MGAT5: variants seen among roughly 807,000 people sequenced by gnomAD.
MGAT5 encodes the protein alpha-1,6-mannosylglycoprotein 6-beta-N-acetylglucosaminyltransferase A.
MGAT5 carries 30 observed loss-of-function variants against 94.3 expected under a neutral mutation model. The observed-to-expected ratio is 0.32, with a 90% CI of 0.24 to 0.43. The LOEUF is 0.43. Among genes scored for constraint, MGAT5 ranks in the 20% least tolerant of loss-of-function variants. MGAT5 has a pLI of 1.00. For synonymous variants in MGAT5, 310 were observed against 322.9 expected (o/e 0.96, Z 0.43); for missense variants, 691 against 905.5 (o/e 0.76, Z 3.04).
At chr2:134,148,102 A>C (rs1274996303) in intron 1 of MGAT5, among the ~76,000 whole-genome samples, 1 of 152,152 alleles carries the variant, frequency 6.6e-6, no homozygotes, top group African/African-American at 2.4e-5. Context: ...AACTAAATCT[A>C]ATTTGTTTGC....
At chr2:134,448,432 C>T (rs2106448299) in intron 15 of MGAT5, among the ~76,000 whole-genome samples, 1 of 152,282 alleles carries the variant, frequency 6.6e-6, no homozygotes, top group East Asian at 1.9e-4. Flanking sequence ...AACACACACC[C>T]CTGCACACAC....
chr2:134,324,392 C>T (rs1404564292), intron 4 of MGAT5, among the ~76,000 whole-genome samples: 3 of 152,164 alleles, frequency 2.0e-5, no homozygotes, highest in Non-Finnish European at 2.9e-5. Flanking sequence ...TCTTATATTT[C>T]ATAAACAACA....
At chr2:134,356,054 TATTTTATTTA>T (rs1336454332) in intron 9 of MGAT5, among the ~76,000 whole-genome samples, 1 of 152,240 alleles carries the variant, frequency 6.6e-6, no homozygotes, top group Non-Finnish European at 1.5e-5. Flanking sequence ...TATTTTATTT[TATTTTATTTA>T]TGCGTGTATG....
intron 10 of MGAT5, among the ~76,000 whole-genome samples, chr2:134,380,744 A>G (rs1681486620): frequency 6.6e-6 from 1 of 152,188 alleles, no homozygotes. Flanking sequence ...ATTTCTGCCC[A>G]CCCAAGCCAA....
At chr2:134,415,223 C>A (rs777664928) in intron 12 of MGAT5, among the ~76,000 whole-genome samples, 1 of 152,196 alleles carries the variant, frequency 6.6e-6, no homozygotes, top group Non-Finnish European at 1.5e-5. Context: ...TAACACATTA[C>A]ATTTTCACCA....
intron 9 of MGAT5, among the ~76,000 whole-genome samples, chr2:134,354,882 A>T (rs1294153612): frequency 6.6e-6 from 1 of 152,172 alleles, no homozygotes; most frequent in African/African-American, 2.4e-5. Flanking sequence ...ATGACCTCTG[A>T]ACTAGGCACT....
At chr2:134,248,250 C>G (rs572197576) in intron 1 of MGAT5, among the ~76,000 whole-genome samples, 17 of 152,330 alleles carry the variant, frequency 1.1e-4, no homozygotes, top group African/African-American at 4.1e-4. Flanking sequence ...ACCATCCTGT[C>G]CTTCCATCTA....
intron 1 of MGAT5, among the ~76,000 whole-genome samples, chr2:134,152,236 ACCACCATGGGACCCG>A (rs1375526913): frequency 7.4e-6 from 1 of 134,942 alleles, no homozygotes; most frequent in East Asian, 4.0e-4. Context: ...GGACCCGCTT[ACCACCATGGGACCCG>A]CTTACCACCA....
intron 1 of MGAT5, among the ~76,000 whole-genome samples, chr2:134,157,904 G>A (rs1370401746): frequency 7.2e-5 from 11 of 152,182 alleles, no homozygotes; most frequent in Non-Finnish European, 2.9e-5. Flanking sequence ...TACTTGAAGT[G>A]GGTAGCTTCT....
chr2:134,155,228 G>C (rs993129353), intron 1 of MGAT5, among the ~76,000 whole-genome samples: 1 of 151,894 alleles, frequency 6.6e-6, no homozygotes, highest in Non-Finnish European at 1.5e-5. Context: ...CCTGGCCCAG[G>C]CTCCTGCCAT....
At position 134,333,868 on chromosome 2, in the gene MGAT5, G is replaced by A. The variant is rs111968516; in HGVS notation, c.574-2349G>A. On this transcript the variant is annotated intron_variant, in intron 4 of 15. Coordinates refer to ENST00000281923, the MANE Select transcript of MGAT5 (RefSeq NM_002410.5). ...TTTCTTCCAATCCTGGTAATCCTCC[G>A]AGGTTTCCCAGAGAAAGAAATGCTT... is the stretch of plus-strand genomic sequence containing the variant. Among the ~76,000 whole-genome samples, 455 of 152,220 alleles carry A rather than the reference G, an allele frequency of 3.0e-3. 3 individuals are homozygous for A. Among genetic ancestry groups the A allele is most frequent in the Middle Eastern group, 0.014 (4 of 292 alleles).
At chr2:134,282,558 G>A (rs192477236) in intron 2 of MGAT5, among the ~76,000 whole-genome samples, 2 of 152,328 alleles carry the variant, frequency 1.3e-5, no homozygotes, top group African/African-American at 4.8e-5. Context: ...CCCAGAGATC[G>A]ATTTGTTTCT....
chr2:134,150,516 G>A (rs903095883), intron 1 of MGAT5, among the ~76,000 whole-genome samples: 3 of 152,152 alleles, frequency 2.0e-5, no homozygotes, highest in African/African-American at 7.2e-5. Context: ...TCTGACACCA[G>A]TGCCTGGAGA....
chr2:134,261,447 A>G (rs1208887348), intron 1 of MGAT5, among the ~76,000 whole-genome samples: 1 of 152,080 alleles, frequency 6.6e-6, no homozygotes, highest in African/African-American at 2.4e-5. Flanking sequence ...CTAGGACAAG[A>G]CTGTTGGGTG....
Position 134,283,673 on chromosome 2 carries a change from T to TA in MGAT5, c.406+13124dup, listed in dbSNP as rs1684838047. Among the ~76,000 whole-genome samples, 3 of 122,734 alleles carry TA rather than the reference T, an allele frequency of 2.4e-5. No individual in the cohort carries two copies. In the Admixed American group the frequency reaches 2.6e-4, roughly 11 times the overall value. 80.5% of individuals were successfully genotyped at this position (122,734 alleles called of 152,430 possible). ...TTTTTTTTTTTTTTTTTTTTTTTTT[T>TA]ACAGAAACTCTTCTCAGTTTGGAGA... On this transcript the variant is annotated intron_variant, in intron 2 of 15. Coordinates refer to ENST00000281923, the MANE Select transcript of MGAT5 (RefSeq NM_002410.5).
intron 12 of MGAT5, among the ~76,000 whole-genome samples, chr2:134,419,747 A>C (rs979478711): frequency 2.0e-5 from 3 of 152,214 alleles, no homozygotes; most frequent in Admixed American, 6.5e-5. Flanking sequence ...AATGAACAAA[A>C]GGATAATAGC....
rs1688837104 is a variant in MGAT5 at position 134,344,971 on chromosome 2, C to G, written c.1019C>G (p.Thr340Ser). 1 of 1,613,550 alleles carries G rather than the reference C, an allele frequency of 6.2e-7. No homozygotes were observed. Among genetic ancestry groups the G allele is most frequent in the African/African-American group, 1.3e-5 (1 of 75,000 alleles). Residue 340 changes from threonine to serine, a missense_variant, in exon 8 of 16, where the codon ACT (threonine) becomes AGT (serine). Thr to Ser is a moderately conservative substitution (Grantham distance 58). Transcript: ENST00000281923. ...KVVGNRSGCP[T>S]VGDRIVELIY... ...GTAGGAAACCGATCTGGCTGCCCAA[C>G]TGTAGGAGACAGAATTGTTGAGCTC...
chr2:134,170,224 T>C (rs532384211), intron 1 of MGAT5, among the ~76,000 whole-genome samples: 13 of 152,248 alleles, frequency 8.5e-5, no homozygotes, highest in Non-Finnish European at 1.8e-4. Flanking sequence ...GAAACAAATC[T>C]TGACTGCACT....
chr2:134,191,080 C>T (rs1215306880), intron 1 of MGAT5, among the ~76,000 whole-genome samples: 4 of 152,242 alleles, frequency 2.6e-5, no homozygotes, highest in Non-Finnish European at 4.4e-5. Context: ...TGTCCCTCCC[C>T]GCCAGTCCCT....
Sources: allele counts gnomAD v4.1 joint callset (sites outside exome capture counted in the v4.1 genomes callset), GRCh38; gene constraint gnomAD v4.1.1; transcripts MANE v1.5; gene names NCBI Gene and HGNC (gene_info 2026-07-23, HGNC 2026-07-21).